MTOR: variants seen among roughly 807,000 people sequenced by gnomAD.
The protein encoded by MTOR is mechanistic target of rapamycin kinase, also known as serine/threonine-protein kinase mTOR.
In MTOR, 70 loss-of-function variants were observed where a neutral mutation model predicts 319.8. The ratio of observed to expected loss-of-function variants is 0.22; its 90% CI spans 0.18 to 0.27. The LOEUF (loss-of-function observed/expected upper bound fraction) is 0.27. Ranked by LOEUF, MTOR falls within the 10% of genes least tolerant of loss-of-function variation. MTOR has a pLI of 1.00. For missense variants in MTOR, 1,890 were observed against 3,274.4 expected (o/e 0.58, Z 10.32); for synonymous variants, 1,183 against 1,211.4 (o/e 0.98, Z 0.49).
Position 11,199,189 on chromosome 1 carries a change from G to A in MTOR, c.4253+69C>T. 1 of 1,597,498 alleles carries A rather than the reference G, an allele frequency of 6.3e-7. No individual in the cohort carries two copies. The highest frequency in any genetic ancestry group is 8.6e-7 in the Non-Finnish European group (1 of 1,165,836). ...GTCTTCAAGTGACTCCAGTGAAGTG[G>A]CACCAGGCAGTGGGAGAAGAGAGGT... is the stretch of plus-strand genomic sequence containing the variant. On this transcript the variant is annotated intron_variant, in intron 28 of 57. Transcript: ENST00000361445. The surrounding 1 kb of genome is among the most constrained non-coding windows in gnomAD (Gnocchi z 4.5).
At chr1:11,189,706 G>A (rs771001950) in intron 28 of MTOR, 2 of 1,614,194 alleles carry the variant, frequency 1.2e-6, no homozygotes, top group Non-Finnish European at 1.7e-6. Flanking sequence ...GCTCAAAGCG[G>A]CCAACTGCTG....
chr1:11,136,200 T>C (rs149786421), intron 36 of MTOR, among the ~76,000 whole-genome samples: 179 of 152,260 alleles, frequency 1.2e-3, no homozygotes, highest in African/African-American at 4.3e-3. Flanking sequence ...TGAAACTCCC[T>C]AGCTTGGGGG....
intron 28 of MTOR, among the ~76,000 whole-genome samples, chr1:11,188,599 C>G (rs1256607895): frequency 1.3e-5 from 2 of 152,214 alleles, no homozygotes; most frequent in Non-Finnish European, 2.9e-5. Flanking sequence ...CTTGGCACTG[C>G]TGAGTTTTCA....
At chr1:11,220,891 C>T (rs745418952) in intron 19 of MTOR, among the ~76,000 whole-genome samples, 1 of 151,958 alleles carries the variant, frequency 6.6e-6, no homozygotes, top group African/African-American at 2.4e-5. Context: ...AGGAAGAAAA[C>T]GAGGTATAAA....
intron 34 of MTOR, chr1:11,144,026 T>G (rs1350806325): frequency 1.3e-5 from 2 of 152,106 alleles, no homozygotes; most frequent in Non-Finnish European, 1.5e-5. Context: ...TGGGAAAGCT[T>G]CTTCTCTACA....
Position 11,212,171 on chromosome 1 carries a change from A to T in MTOR, c.3561+141T>A. 1 of 1,030,110 alleles carries T rather than the reference A, an allele frequency of 9.7e-7. No individual in the cohort carries two copies. The highest frequency in any genetic ancestry group is 1.4e-6 in the Non-Finnish European group (1 of 713,206). The allele number at this position is 1,030,110 out of a possible 1,614,324, so 63.8% of individuals were successfully genotyped here. On this transcript the variant is annotated intron_variant, in intron 23 of 57. Coordinates refer to ENST00000361445, the MANE Select transcript of MTOR (RefSeq NM_004958.4). The surrounding 1 kb of genome is among the most constrained non-coding windows in gnomAD (Gnocchi z 4.1). Reference sequence around the variant, plus strand: ...TAGGTTGCTCAATAAATGTTTGCTGAACACATGAAAAGAAAAAAAGCAAGT... The same window carrying T: ...TAGGTTGCTCAATAAATGTTTGCTGTACACATGAAAAGAAAAAAAGCAAGT...
chr1:11,200,826 T>G (rs374764138), intron 26 of MTOR, among the ~76,000 whole-genome samples: 3 of 151,892 alleles, frequency 2.0e-5, no homozygotes, highest in South Asian at 2.1e-4. Context: ...CCATCCTGGC[T>G]AACATGGTGA....
At chr1:11,149,896 G>A (rs1312590372) in intron 31 of MTOR, among the ~76,000 whole-genome samples, 5 of 152,118 alleles carry the variant, frequency 3.3e-5, no homozygotes, top group South Asian at 2.1e-4. Flanking sequence ...TTTGTGCACC[G>A]TTTTCCTTGG....
At chr1:11,152,655 T>C (rs1485796813) in intron 30 of MTOR, among the ~76,000 whole-genome samples, 2 of 152,282 alleles carry the variant, frequency 1.3e-5, no homozygotes, top group East Asian at 3.9e-4. Flanking sequence ...CACAGCCTCC[T>C]GGAGGCAGAT....
intron 19 of MTOR, among the ~76,000 whole-genome samples, chr1:11,216,763 G>C (rs1013597290): frequency 6.6e-6 from 1 of 152,098 alleles, no homozygotes; most frequent in Non-Finnish European, 1.5e-5. Context: ...CACAGCAGGG[G>C]CTTTGTAACC....
At chr1:11,241,703 C>T in intron 9 of MTOR, 22 bp from the exon 10 acceptor site, 1 of 1,599,636 alleles carries the variant, frequency 6.3e-7, no homozygotes, top group South Asian at 1.1e-5. Flanking sequence ...TGGAGAGTGG[C>T]TAGTTGAGAC....
rs2100609894 is a variant in MTOR, at chr1:11,167,466, A to G, written c.4305T>C (p.Tyr1435=). The G allele has an allele frequency of 6.2e-7, 1 of 1,613,636 alleles. No homozygotes were observed. The highest frequency in any genetic ancestry group is 8.5e-7 in the Non-Finnish European group (1 of 1,179,800). Residue 1435 remains tyrosine (Y), a synonymous_variant, in exon 29 of 58, where the codon TAT becomes TAC. Coordinates refer to ENST00000361445, the MANE Select transcript of MTOR (RefSeq NM_004958.4). ...QPEAAAGVLE[Y]AMKHFGELEI... is the part of the protein sequence containing the mutation. ...CCAGCTCTCCAAAGTGTTTCATGGC[A>G]TATTCTAACACTCCGGCCGCTGCCT...
At chr1:11,130,465 G>A (rs2100428280) in intron 39 of MTOR, 64 bp downstream of exon 39, 5 of 1,573,902 alleles carry the variant, frequency 3.2e-6, no homozygotes, top group African/African-American at 1.4e-5. Flanking sequence ...GCTTAACAAC[G>A]ATTCCATTTC....
intron 8 of MTOR, among the ~76,000 whole-genome samples, chr1:11,243,702 A>G (rs1229586836): frequency 2.0e-5 from 3 of 151,608 alleles, no homozygotes; most frequent in Non-Finnish European, 2.9e-5. Context: ...AAAAAAAAAA[A>G]CCCAAAAAAC....
rs184181442 is a variant in MTOR at position 11,129,105 on chromosome 1, A to C, written c.5715-154T>G. ...CCTCCCATGGGAGCAGGTGTCTGTGATGGGTGGCAGTGCTCTTGACTGAAC... is the reference window on the plus strand; with the variant it reads ...CCTCCCATGGGAGCAGGTGTCTGTGCTGGGTGGCAGTGCTCTTGACTGAAC... On this transcript the variant is annotated intron_variant, in intron 40 of 57. Transcript: ENST00000361445. The surrounding 1 kb of genome is among the most constrained non-coding windows in gnomAD (Gnocchi z 4.7). 1.5e-3 allele frequency among the ~76,000 whole-genome samples: 233 copies of C among 152,276 alleles called. No homozygotes were observed. Among genetic ancestry groups the C allele is most frequent in the Admixed American group, 2.5e-3 (38 of 15,308 alleles).
At chr1:11,205,566 A>G (rs2100768401) in intron 25 of MTOR, among the ~76,000 whole-genome samples, 1 of 152,318 alleles carries the variant, frequency 6.6e-6, no homozygotes, top group East Asian at 1.9e-4. Context: ...AGTTAGAAAC[A>G]CCTGCCTGGG....
chr1:11,132,857 T>C (rs1643226054), intron 38 of MTOR: 2 of 524,424 alleles, frequency 3.8e-6, no homozygotes, highest in Non-Finnish European at 6.8e-6. Flanking sequence ...ATACACATAA[T>C]AATGGTGTAA....
intron 31 of MTOR, chr1:11,149,163 C>T (rs1424935058): frequency 6.6e-6 from 1 of 152,196 alleles, no homozygotes; most frequent in Non-Finnish European, 1.5e-5. Flanking sequence ...TATGACCCCA[C>T]TAACCTTACA....
intron 14 of MTOR, 117 bp downstream of exon 14, chr1:11,234,026 G>A (rs1647110152): frequency 1.4e-6 from 2 of 1,476,374 alleles, no homozygotes; most frequent in East Asian, 2.3e-5. Context: ...CCAAGCGTGA[G>A]AGCAAAGAAA....
Sources: allele counts gnomAD v4.1 joint callset (sites outside exome capture counted in the v4.1 genomes callset), GRCh38; gene constraint gnomAD v4.1.1; non-coding constraint Gnocchi (gnomAD v3.1); transcripts MANE v1.5; gene names NCBI Gene and HGNC (gene_info 2026-07-23, HGNC 2026-07-21).